AUTS2: variants seen among roughly 807,000 people sequenced by gnomAD.
AUTS2 encodes the protein activator of transcription and developmental regulator AUTS2, also known as autism susceptibility gene 2 protein.
A neutral mutation model predicts 112.4 loss-of-function variants in AUTS2; 17 were observed. The ratio of observed to expected loss-of-function variants is 0.15; its 90% CI spans 0.10 to 0.23. The LOEUF (loss-of-function observed/expected upper bound fraction) is 0.23. Among genes scored for constraint, AUTS2 ranks in the 10% least tolerant of loss-of-function variants. The pLI is 1.00. For synonymous variants in AUTS2, 751 were observed against 702.7 expected (o/e 1.07, Z -1.09); for missense variants, 1,510 against 1,701.6 (o/e 0.89, Z 1.98).
intron 2 of AUTS2, among the ~76,000 whole-genome samples, chr7:69,941,038 G>T (rs982374276): frequency 1.3e-5 from 2 of 152,204 alleles, no homozygotes; most frequent in Admixed American, 6.5e-5. Context: ...TGCCCAGTTA[G>T]AGAATAATTC....
intron 1 of AUTS2, among the ~76,000 whole-genome samples, chr7:69,715,264 A>C (rs1235294543): frequency 6.6e-6 from 1 of 152,064 alleles, no homozygotes; most frequent in Non-Finnish European, 1.5e-5. Flanking sequence ...GTGATTTCAA[A>C]CATGTTCAGA....
chr7:70,478,228 G>T (rs569569534), intron 5 of AUTS2, among the ~76,000 whole-genome samples: 100 of 152,098 alleles, frequency 6.6e-4, no homozygotes, highest in African/African-American at 2.4e-3. Flanking sequence ...AAAAATAAAG[G>T]TAAGTACAGA....
At chr7:70,638,424 C>G (rs1054321151) in intron 5 of AUTS2, among the ~76,000 whole-genome samples, 5 of 152,288 alleles carry the variant, frequency 3.3e-5, no homozygotes, top group Admixed American at 2.0e-4. Flanking sequence ...ATGCCGCACA[C>G]CGTGGCAGAA....
chr7:69,782,296 G>C (rs909390613), intron 1 of AUTS2, among the ~76,000 whole-genome samples: 7 of 152,022 alleles, frequency 4.6e-5, no homozygotes, highest in Non-Finnish European at 7.4e-5. Context: ...CTGGGAGATC[G>C]AGGCTGGAGT....
chr7:70,634,293 G>A (rs988447360), intron 5 of AUTS2, among the ~76,000 whole-genome samples: 1 of 152,212 alleles, frequency 6.6e-6, no homozygotes, highest in African/African-American at 2.4e-5. Context: ...GGAACAGGAG[G>A]CTGTGCGCTG....
At chr7:70,282,184 A>G (rs531822713) in intron 4 of AUTS2, among the ~76,000 whole-genome samples, 1 of 152,246 alleles carries the variant, frequency 6.6e-6, no homozygotes, top group South Asian at 2.1e-4. Flanking sequence ...AGATGACTGT[A>G]AAATCGTAGG....
intron 2 of AUTS2, among the ~76,000 whole-genome samples, chr7:70,085,397 G>A (rs962631091): frequency 5.4e-5 from 8 of 148,812 alleles, no homozygotes; most frequent in African/African-American, 9.9e-5. Flanking sequence ...ATGGAGTCTC[G>A]CTCTGTTGCG....
intron 1 of AUTS2, among the ~76,000 whole-genome samples, chr7:69,731,357 T>G (rs1584150836): frequency 6.6e-6 from 1 of 152,114 alleles, no homozygotes; most frequent in African/African-American, 2.4e-5. Context: ...TTAACTTAAT[T>G]AAACAAGTGC....
intron 6 of AUTS2, among the ~76,000 whole-genome samples, chr7:70,716,372 G>A (rs1810364073): frequency 1.3e-5 from 2 of 152,144 alleles, no homozygotes; most frequent in South Asian, 4.1e-4. Flanking sequence ...AGTGGCTCAT[G>A]CCTGTAATCC....
intron 6 of AUTS2, among the ~76,000 whole-genome samples, chr7:70,760,167 G>A (rs953956746): frequency 2.6e-4 from 40 of 152,124 alleles, no homozygotes; most frequent in Admixed American, 7.9e-4. Flanking sequence ...CACCACGCCC[G>A]GCTAATTTTT....
chr7:69,620,249 T>C (rs1180323780), intron 1 of AUTS2, among the ~76,000 whole-genome samples: 1 of 152,184 alleles, frequency 6.6e-6, no homozygotes, highest in Non-Finnish European at 1.5e-5. Context: ...AAAACGAAAG[T>C]TTATTTCTAG....
chr7:69,654,358 G>A (rs1409365010), intron 1 of AUTS2, among the ~76,000 whole-genome samples: 1 of 152,188 alleles, frequency 6.6e-6, no homozygotes, highest in African/African-American at 2.4e-5. Flanking sequence ...GGGAAGGAGA[G>A]CACAGGCCCT....
intron 1 of AUTS2, among the ~76,000 whole-genome samples, chr7:69,705,923 C>T (rs1262212814): frequency 6.6e-6 from 1 of 151,984 alleles, no homozygotes; most frequent in Non-Finnish European, 1.5e-5. Flanking sequence ...TAAAGACAGC[C>T]GCCATACTGG....
chr7:69,704,423 G>C (rs1354691848), intron 1 of AUTS2, among the ~76,000 whole-genome samples: 4 of 151,920 alleles, frequency 2.6e-5, no homozygotes, highest in African/African-American at 9.7e-5. Context: ...GATTACAGGC[G>C]CCTGCCACCA....
chr7:70,437,517 C>T (rs12155402), intron 5 of AUTS2: 71,408 of 151,976 alleles, frequency 0.47, 17,506 homozygotes, highest in African/African-American at 0.61. Flanking sequence ...TATTCAGGGT[C>T]GTACAACCAA....
intron 5 of AUTS2, among the ~76,000 whole-genome samples, chr7:70,622,267 G>A (rs1804721254): frequency 6.6e-6 from 1 of 152,132 alleles, no homozygotes; most frequent in East Asian, 1.9e-4. Flanking sequence ...TCTTAAAAAT[G>A]CATCTTTGAC....
At chr7:69,817,603 A>G (rs1790818265) in intron 1 of AUTS2, among the ~76,000 whole-genome samples, 1 of 152,192 alleles carries the variant, frequency 6.6e-6, no homozygotes, top group African/African-American at 2.4e-5. Context: ...TGGGTTGCTG[A>G]GGGAGGGGAC....
chr7:69,819,077 T>G (rs1470874903), intron 1 of AUTS2, among the ~76,000 whole-genome samples: 1 of 152,178 alleles, frequency 6.6e-6, no homozygotes, highest in Non-Finnish European at 1.5e-5. Context: ...CTGAGTTTTG[T>G]GGAAATGGTA....
At chr7:69,601,369 CACAT>C (rs1162644322) in intron 1 of AUTS2, among the ~76,000 whole-genome samples, 6 of 152,064 alleles carry the variant, frequency 3.9e-5, no homozygotes, top group Non-Finnish European at 8.8e-5. Context: ...GCTTAAATCT[CACAT>C]ACGGTAACTG....
Sources: gnomAD v4.1 joint callset for allele counts (sites outside exome capture counted in the v4.1 genomes callset) on GRCh38, gnomAD v4.1.1 for gene constraint, MANE v1.5 for transcripts, NCBI Gene and HGNC (gene_info 2026-07-23, HGNC 2026-07-21) for gene names.